AP2B1: variants seen among roughly 807,000 people sequenced by gnomAD.
AP2B1 encodes the protein AP-2 complex subunit beta.
In AP2B1, 23 loss-of-function variants were observed where a neutral mutation model predicts 102.0. That is an observed-to-expected ratio of 0.23 (90% CI 0.16 to 0.32). The LOEUF (loss-of-function observed/expected upper bound fraction) is 0.32, where lower values mean the gene tolerates loss of function less well. Among genes scored for constraint, AP2B1 ranks in the 10% least tolerant of loss-of-function variants. The pLI is 1.00. For missense variants in AP2B1, 541 were observed against 1,157.4 expected (o/e 0.47, Z 7.73); for synonymous variants, 381 against 421.2 (o/e 0.90, Z 1.17).
At chr17:35,631,888 G>A (rs2074472751) in intron 9 of AP2B1, among the ~76,000 whole-genome samples, 1 of 152,002 alleles carries the variant, frequency 6.6e-6, no homozygotes, top group Non-Finnish European at 1.5e-5. Flanking sequence ...CCACATTGTT[G>A]TTTTAAAGTC....
chr17:35,697,008 T>C (rs2076153739), intron 18 of AP2B1, among the ~76,000 whole-genome samples: 1 of 152,232 alleles, frequency 6.6e-6, no homozygotes, highest in Non-Finnish European at 1.5e-5. Context: ...CATCTAGTTC[T>C]TGAACCAAAC....
intron 9 of AP2B1, among the ~76,000 whole-genome samples, chr17:35,634,859 G>A (rs1377336622): frequency 6.6e-6 from 1 of 152,160 alleles, no homozygotes; most frequent in Non-Finnish European, 1.5e-5. Flanking sequence ...ACTCATCCAT[G>A]AACTTCAGTT....
At chr17:35,719,973 C>T (rs1598369096) in intron 21 of AP2B1, among the ~76,000 whole-genome samples, 1 of 152,132 alleles carries the variant, frequency 6.6e-6, no homozygotes, top group Non-Finnish European at 1.5e-5. Flanking sequence ...TAAGAACACC[C>T]GTGGAAGTGC....
chr17:35,605,694 T>A lies in AP2B1; in HGVS notation c.144-11T>A. 1.3e-6 allele frequency: 2 copies of A among 1,599,634 alleles called. No individual in the cohort carries two copies. Among genetic ancestry groups the A allele is most frequent in the Non-Finnish European group, 1.7e-6 (2 of 1,170,988 alleles). ...CTTACTTTCCTTTTCTCTTTTACCC[T>A]CTCTTCTCAGTTCTCTCTTTCCAGA... On this transcript the variant is annotated splice_polypyrimidine_tract_variant and intron_variant, in intron 3 of 21. Coordinates refer to ENST00000610402, the MANE Select transcript of AP2B1 (RefSeq NM_001030006.2).
At chr17:35,653,744 A>T (rs2075147806) in intron 13 of AP2B1, among the ~76,000 whole-genome samples, 1 of 152,102 alleles carries the variant, frequency 6.6e-6, no homozygotes, top group Non-Finnish European at 1.5e-5. Flanking sequence ...CCAAAGTGCC[A>T]GGATCGCAGA....
At chr17:35,695,933 G>T (rs372713241) in intron 18 of AP2B1, among the ~76,000 whole-genome samples, 5 of 152,214 alleles carry the variant, frequency 3.3e-5, no homozygotes, top group South Asian at 2.1e-4. Flanking sequence ...GCCAAGTAGG[G>T]TTTACTGTTA....
At chr17:35,593,368 A>G (rs2073162615) in intron 1 of AP2B1, among the ~76,000 whole-genome samples, 1 of 152,186 alleles carries the variant, frequency 6.6e-6, no homozygotes, top group Non-Finnish European at 1.5e-5. Context: ...ACACTAATGT[A>G]ATTATTATGC....
chr17:35,613,862 A>T (rs571675179), intron 5 of AP2B1, among the ~76,000 whole-genome samples: 3 of 152,360 alleles, frequency 2.0e-5, no homozygotes, highest in African/African-American at 7.2e-5. Context: ...TTATTAGTTC[A>T]TTATTTTGAA....
At chr17:35,606,027 G>A (rs1401204244) in intron 4 of AP2B1, among the ~76,000 whole-genome samples, 187 bp downstream of exon 4, 2 of 152,152 alleles carry the variant, frequency 1.3e-5, no homozygotes, top group Non-Finnish European at 2.9e-5. Flanking sequence ...AGTGGGGCTT[G>A]GTGCATCCTT....
chr17:35,598,505 T>TTTTG (rs376705019), intron 3 of AP2B1, among the ~76,000 whole-genome samples, 170 bp downstream of exon 3: 19 of 152,162 alleles, frequency 1.2e-4, no homozygotes, highest in Non-Finnish European at 8.8e-5. Context: ...ATGCTCTACT[T>TTTTG]TTTGTTTGTT....
chr17:35,638,743 C>T (rs917997450), intron 10 of AP2B1, among the ~76,000 whole-genome samples: 9 of 146,512 alleles, frequency 6.1e-5, no homozygotes, highest in Non-Finnish European at 1.3e-4. Flanking sequence ...GAGCCGGGAT[C>T]GTGCCACTGC....
At chr17:35,670,709 C>T in intron 14 of AP2B1, 148 bp from the exon 15 acceptor site, 2 of 763,340 alleles carry the variant, frequency 2.6e-6, no homozygotes, top group Non-Finnish European at 4.5e-6. Context: ...TCTTTGTAAT[C>T]TAGAATTTTT....
intron 3 of AP2B1, among the ~76,000 whole-genome samples, chr17:35,605,278 C>T (rs1486040314): frequency 6.9e-6 from 1 of 144,894 alleles, no homozygotes; most frequent in African/African-American, 2.6e-5. Flanking sequence ...ACAGGAGTCT[C>T]GCTCTTGTTG....
In AP2B1 at chr17:35,690,119, T is replaced by C. The variant is rs139526185; in HGVS notation, c.2454+7295T>C. ...TCATCCCTCAGATCACTGAGGCTGC[T>C]TTTTTTAAATTTAATCTTTTTTTCT... On this transcript the variant is annotated intron_variant, in intron 18 of 21. Coordinates refer to ENST00000610402, the MANE Select transcript of AP2B1 (RefSeq NM_001030006.2). 6.5e-3 allele frequency among the ~76,000 whole-genome samples: 990 copies of C among 152,314 alleles called. 9 individuals are homozygous for C. The highest frequency in any genetic ancestry group is 0.023 in the African/African-American group (943 of 41,570).
intron 20 of AP2B1, among the ~76,000 whole-genome samples, chr17:35,712,763 G>A (rs2076477580): frequency 6.6e-6 from 1 of 152,256 alleles, no homozygotes; most frequent in Admixed American, 6.5e-5. Flanking sequence ...GTTCTGAGAA[G>A]TGCTATACTG....
intron 9 of AP2B1, 118 bp downstream of exon 9, chr17:35,627,844 A>T: frequency 2.4e-6 from 2 of 825,524 alleles, no homozygotes; most frequent in Non-Finnish European, 3.6e-6. Flanking sequence ...TTTCAATGTT[A>T]AAGAATTTTT....
intron 5 of AP2B1, among the ~76,000 whole-genome samples, chr17:35,613,920 A>G (rs1418033800): frequency 1.3e-5 from 2 of 152,206 alleles, no homozygotes; most frequent in African/African-American, 4.8e-5. Flanking sequence ...CTATAGGGAA[A>G]TAGCTTTTGT....
intron 13 of AP2B1, among the ~76,000 whole-genome samples, chr17:35,656,740 C>T (rs2075233248): frequency 6.6e-6 from 1 of 152,094 alleles, no homozygotes; most frequent in African/African-American, 2.4e-5. Flanking sequence ...AAAAAATTAG[C>T]CGGGCACGGT....
chr17:35,636,226 C>A (rs1398910297), intron 9 of AP2B1, 115 bp from the exon 10 acceptor site: 2 of 638,664 alleles, frequency 3.1e-6, no homozygotes, highest in Admixed American at 2.4e-5. Flanking sequence ...AAATTAAGTG[C>A]CTGATCATTT....
Sources: gnomAD v4.1 joint callset for allele counts (sites outside exome capture counted in the v4.1 genomes callset) on GRCh38, gnomAD v4.1.1 for gene constraint, MANE v1.5 for transcripts, NCBI Gene and HGNC (gene_info 2026-07-23, HGNC 2026-07-21) for gene names.